CFAP91: variants seen among roughly 807,000 people sequenced by gnomAD.
The protein encoded by CFAP91 is cilia- and flagella-associated protein 91.
CFAP91 carries 85 observed loss-of-function variants against 95.9 expected under a neutral mutation model. That is an observed-to-expected ratio of 0.89 (90% CI 0.74 to 1.06). The LOEUF (loss-of-function observed/expected upper bound fraction) is 1.06, where lower values mean the gene tolerates loss of function less well. Ranked by LOEUF, CFAP91 falls within the 50% of genes least tolerant of loss-of-function variation. The pLI, the probability that CFAP91 is intolerant of heterozygous loss-of-function variation, is 0.00. For missense variants in CFAP91, 962 were observed against 943.4 expected, an observed-to-expected ratio of 1.02 and a Z score of -0.26; for synonymous variants, 335 against 327.5, an observed-to-expected ratio of 1.02 and a Z score of -0.25.
chr3:119,744,142 T>C lies in CFAP91; in HGVS notation c.1848T>C (p.Gly616=). 2 of 1,613,568 alleles carry C rather than the reference T, an allele frequency of 1.2e-6. No individual in the cohort carries two copies. Among genetic ancestry groups the C allele is most frequent in the Non-Finnish European group, 1.7e-6 (2 of 1,179,806 alleles). ...QRRVREAEES[G]RRQVEKQRLR... The stretch of plus-strand genomic sequence containing the variant: ...GGGTACGAGAGGCTGAAGAGAGTGG[T>C]CGGCGCCAGGTGGAAAAACAGCGCC... Residue 616 remains glycine (G), a synonymous_variant, in exon 14 of 18, where the codon GGT becomes GGC. Transcript: ENST00000273390.
chr3:119,707,378 C>A (rs781624340), intron 2 of CFAP91, 26 bp from the exon 3 acceptor site: 13 of 1,495,220 alleles, frequency 8.7e-6, no homozygotes, highest in South Asian at 2.7e-5. Context: ...ATAATTTTGT[C>A]CTTTGCCTCC....
At chr3:119,745,626 CTA>C (rs2054206075) in intron 14 of CFAP91, among the ~76,000 whole-genome samples, 1 of 152,220 alleles carries the variant, frequency 6.6e-6, no homozygotes, top group African/African-American at 2.4e-5. Flanking sequence ...CGTGACTGAG[CTA>C]ATTGATCCAT....
At chr3:119,755,164 T>C (rs2054402420) in intron 17 of CFAP91, among the ~76,000 whole-genome samples, 1 of 152,176 alleles carries the variant, frequency 6.6e-6, no homozygotes. Context: ...TTGGATAATA[T>C]TTATGAGACT....
At chr3:119,727,483 A>C (rs1487848583) in intron 7 of CFAP91, among the ~76,000 whole-genome samples, 2 of 152,226 alleles carry the variant, frequency 1.3e-5, no homozygotes, top group African/African-American at 4.8e-5. Flanking sequence ...AAGCAAGTAC[A>C]TTTGTTAAAC....
At chr3:119,738,553 T>G (rs1040328717) in intron 11 of CFAP91, among the ~76,000 whole-genome samples, 1 of 151,796 alleles carries the variant, frequency 6.6e-6, no homozygotes, top group Non-Finnish European at 1.5e-5. Flanking sequence ...GTTGCCATGT[T>G]GGCCAGGCTT....
At chr3:119,756,591 AAG>A (rs1227362600) in intron 17 of CFAP91, among the ~76,000 whole-genome samples, 2 of 152,208 alleles carry the variant, frequency 1.3e-5, no homozygotes, top group South Asian at 2.1e-4. Flanking sequence ...TATAAAACAA[AAG>A]AGTAATATAT....
intron 14 of CFAP91, among the ~76,000 whole-genome samples, chr3:119,745,682 G>C (rs1279315245): frequency 6.6e-6 from 1 of 152,222 alleles, no homozygotes; most frequent in Non-Finnish European, 1.5e-5. Context: ...GGCTCTATGA[G>C]AGCATGAATA....
chr3:119,707,732 G>GATATATATATATATATAT (rs770594988), intron 3 of CFAP91, among the ~76,000 whole-genome samples, 171 bp downstream of exon 3: 9,191 of 141,396 alleles, frequency 0.065, 412 homozygotes, highest in South Asian at 0.098. Flanking sequence ...GTATATATGA[G>GATATATATATATATATAT]ATATATATAT....
chr3:119,744,921 T>G (rs1215575320), intron 14 of CFAP91, among the ~76,000 whole-genome samples: 1 of 152,140 alleles, frequency 6.6e-6, no homozygotes. Flanking sequence ...ATCCTTTACC[T>G]AATATCACTA....
chr3:119,720,396 CA>C (rs34084407), intron 6 of CFAP91, among the ~76,000 whole-genome samples: 54 of 129,760 alleles, frequency 4.2e-4, no homozygotes, highest in African/African-American at 6.6e-4. Context: ...GACTCTGTCT[CA>C]AAAAAAAAAA....
chr3:119,737,333 A>C (rs763699296), intron 10 of CFAP91, 33 bp from the exon 11 acceptor site: 1 of 1,357,818 alleles, frequency 7.4e-7, no homozygotes, highest in South Asian at 1.3e-5. Context: ...TTTTTGTTAA[A>C]AAAAGAGATT....
chr3:119,726,454 CTCA>C, intron 7 of CFAP91, 106 bp downstream of exon 7: 1 of 1,100,834 alleles, frequency 9.1e-7, no homozygotes. Context: ...AAAAGCAATC[CTCA>C]ACCTATAGAG....
intron 13 of CFAP91, among the ~76,000 whole-genome samples, chr3:119,741,137 C>A (rs1385131654): frequency 6.6e-6 from 1 of 152,178 alleles, no homozygotes; most frequent in Non-Finnish European, 1.5e-5. Flanking sequence ...TTAAATAATG[C>A]TGCTGTAGTC....
In CFAP91 at chr3:119,732,386, GTC is replaced by G; in HGVS notation, c.1113_1114del (p.Tyr372TrpfsTer28). The stretch of plus-strand genomic sequence containing the variant: ...GGATTATTCTGATTATGCATCACAG[GTC>G]TATGGACCTCTGTCTCGTCTTGGGT... ...IKDYSDYASQ[V>X]YGPLSRLGCF... On this transcript the variant is annotated frameshift_variant, in exon 9 of 18. Transcript: ENST00000273390. LOFTEE classifies it high-confidence loss of function. 5 of 1,613,184 alleles carry G rather than the reference GTC, an allele frequency of 3.1e-6. No individual in the cohort carries two copies. The highest frequency in any genetic ancestry group is 4.2e-6 in the Non-Finnish European group (5 of 1,179,382).
chr3:119,765,175 T>G lies in CFAP91; in HGVS notation c.*125T>G, dbSNP rs1299163822. The G allele has an allele frequency of 1.3e-5, 2 of 152,198 alleles. No homozygotes were observed. The highest frequency in any genetic ancestry group is 2.9e-5 in the Non-Finnish European group (2 of 68,022). The allele number at this position is 152,198 out of a possible 1,614,324, so 9.4% of individuals were successfully genotyped here. On this transcript the variant is annotated 3_prime_UTR_variant, in exon 18 of 18. Coordinates refer to ENST00000273390, the MANE Select transcript of CFAP91 (RefSeq NM_033364.4). ...TGTGTGATTCATGAGAAAGGAGATT[T>G]ATTTTCCTTAAACATCCAATAATTT...
chr3:119,744,391 TAA>T (rs146516615), intron 14 of CFAP91, among the ~76,000 whole-genome samples, 195 bp downstream of exon 14: 1 of 152,220 alleles, frequency 6.6e-6, no homozygotes, highest in Non-Finnish European at 1.5e-5. Context: ...TCCTAAAGCT[TAA>T]ATAACACATA....
intron 1 of CFAP91, among the ~76,000 whole-genome samples, chr3:119,705,141 T>A (rs906673377): frequency 6.6e-6 from 1 of 152,056 alleles, no homozygotes; most frequent in African/African-American, 2.4e-5. Context: ...CTTACTATGA[T>A]AGGGACTAGG....
At chr3:119,716,745 C>T (rs1415694650) in intron 6 of CFAP91, among the ~76,000 whole-genome samples, 2 of 152,142 alleles carry the variant, frequency 1.3e-5, no homozygotes, top group African/African-American at 4.8e-5. Flanking sequence ...TGCCACCACA[C>T]CTGGCTAATT....
intron 13 of CFAP91, among the ~76,000 whole-genome samples, chr3:119,743,170 C>T (rs1258112236): frequency 6.7e-6 from 1 of 149,216 alleles, no homozygotes; most frequent in African/African-American, 2.5e-5. Context: ...GAGTCTCACT[C>T]TGTCACCCAG....
Sources: gnomAD v4.1 joint callset for allele counts (sites outside exome capture counted in the v4.1 genomes callset) on GRCh38, gnomAD v4.1.1 for gene constraint, MANE v1.5 for transcripts, NCBI Gene and HGNC (gene_info 2026-07-23, HGNC 2026-07-21) for gene names.